PRDM2: variants seen among roughly 807,000 people sequenced by gnomAD.
The protein encoded by PRDM2 is PR domain zinc finger protein 2.
In PRDM2, 30 loss-of-function variants were observed where a neutral mutation model predicts 130.0. That is an observed-to-expected ratio of 0.23 (90% CI 0.17 to 0.31). PRDM2 has a LOEUF of 0.31. Among genes scored for constraint, PRDM2 ranks in the 10% least tolerant of loss-of-function variants. PRDM2 has a pLI of 1.00. For synonymous variants in PRDM2, 871 were observed against 782.4 expected (o/e 1.11, Z -1.89); for missense variants, 2,011 against 2,108.4 (o/e 0.95, Z 0.90).
Position 13,795,645 on chromosome 1 carries a change from C to A in PRDM2, c.5036+12814C>A, listed in dbSNP as rs149414630. ...AACTGTGTTGCGGGTGAATGGATGT[C>A]TTTGTTCTTCCTGGGATGAACCCAT... On this transcript the variant is annotated intron_variant, in intron 8 of 9. Transcript: ENST00000311066. 9.0e-4 allele frequency among the ~76,000 whole-genome samples: 137 copies of A among 152,312 alleles called. 1 individual carries two copies. The highest frequency in any genetic ancestry group is 2.8e-3 in the African/African-American group (117 of 41,562).
At chr1:13,812,133 A>G (rs1645183048) in intron 8 of PRDM2, among the ~76,000 whole-genome samples, 1 of 151,812 alleles carries the variant, frequency 6.6e-6, no homozygotes, top group East Asian at 1.9e-4. Flanking sequence ...CTTGTTGCTT[A>G]GTGGAGAATG....
intron 4 of PRDM2, chr1:13,738,818 G>C (rs1208405092): frequency 6.6e-6 from 1 of 152,030 alleles, no homozygotes; most frequent in South Asian, 2.1e-4. Context: ...CTGAAGACCC[G>C]TTTTTGTCTG....
intron 8 of PRDM2, among the ~76,000 whole-genome samples, chr1:13,801,968 G>C (rs1014553772): frequency 6.6e-6 from 1 of 152,230 alleles, no homozygotes; most frequent in African/African-American, 2.4e-5. Flanking sequence ...CAGACAGCCA[G>C]GATCAGAGTC....
intron 2 of PRDM2, among the ~76,000 whole-genome samples, chr1:13,720,442 G>A (rs543695666): frequency 6.6e-6 from 1 of 152,270 alleles, no homozygotes; most frequent in African/African-American, 2.4e-5. Context: ...GGTCAAAGAA[G>A]TGTGGGCTCA....
In PRDM2 at chr1:13,782,299, C is replaced by T. The variant is rs1266430275; in HGVS notation, c.4504C>T (p.Pro1502Ser). ...HSSKKGGHSS[P>S]ASSDKNSNSN... ...ATCTAAGAAAGGTGGACACTCATCA[C>T]CTGCAAGTAGTGACAAAAACAGTAA... Residue 1502 changes from proline to serine, a missense_variant, in exon 8 of 10, where the codon CCT becomes TCT. This residue lies in a region of PRDM2 where 410 missense variants were observed against 395.9 expected (regional missense o/e 1.04). Transcript: ENST00000311066. 1.9e-6 allele frequency: 3 copies of T among 1,613,940 alleles called. No homozygotes were observed. The African/African-American group carries it at 4.0e-5, about 22-fold the overall frequency.
In PRDM2 at chr1:13,732,565, T is replaced by C. The variant is rs145817625; in HGVS notation, c.128-214T>C. ...ATTTTTTTCTAATCGTAAAACAATA[T>C]AGGTTCTTTATAGAACAGAAGAGTA... On this transcript the variant is annotated intron_variant, in intron 3 of 9. Transcript: ENST00000311066. Among the ~76,000 whole-genome samples, 15 of 152,326 alleles carry C rather than the reference T, an allele frequency of 9.8e-5. No individual in the cohort carries two copies. In the East Asian group the frequency reaches 2.5e-3, roughly 25 times the overall value.
At chr1:13,774,703 G>A (rs1164868561) in intron 7 of PRDM2, among the ~76,000 whole-genome samples, 1 of 152,038 alleles carries the variant, frequency 6.6e-6, no homozygotes, top group African/African-American at 2.4e-5. Context: ...CTGGCCTGGC[G>A]CGGTGGCTCA....
At chr1:13,734,983 C>T (rs1196320462) in intron 4 of PRDM2, among the ~76,000 whole-genome samples, 2 of 152,194 alleles carry the variant, frequency 1.3e-5, no homozygotes, top group East Asian at 3.8e-4. Context: ...CTCTTACCCT[C>T]AGACCTGCAT....
At chr1:13,745,138 G>A (rs1643563653) in intron 5 of PRDM2, among the ~76,000 whole-genome samples, 1 of 152,178 alleles carries the variant, frequency 6.6e-6, no homozygotes, top group African/African-American at 2.4e-5. Flanking sequence ...AAGGTCTCTG[G>A]TCTGGAGGAT....
In PRDM2 at chr1:13,778,615, G is replaced by A. The variant is rs1644533424; in HGVS notation, c.820G>A (p.Glu274Lys). 7 of 1,613,542 alleles carry A rather than the reference G, an allele frequency of 4.3e-6. No homozygotes were observed. The highest frequency in any genetic ancestry group is 1.7e-5 in the Admixed American group (1 of 60,026). Reference sequence around the variant, plus strand: ...TTTGGGGGAAGAGGAGGAGGAGGAAGAGGAGGAGGATGAAGAAGAAGAAGA... The same window carrying A: ...TTTGGGGGAAGAGGAGGAGGAGGAAAAGGAGGAGGATGAAGAAGAAGAAGA... ...NDLGEEEEEE[E>K]EEDEEEEEDD... The change falls in exon 8 of 10, where the codon GAG becomes AAG. Residue 274 changes from glutamate to lysine, a missense_variant. Coordinates refer to ENST00000311066, the MANE Select transcript of PRDM2 (RefSeq NM_001393986.1).
chr1:13,701,881 G>A (rs191304975), intron 1 of PRDM2, among the ~76,000 whole-genome samples: 1 of 152,310 alleles, frequency 6.6e-6, no homozygotes, highest in African/African-American at 2.4e-5. Context: ...GATTCTGAAG[G>A]TGGTTTCTTT....
chr1:13,790,678 T>C (rs1173009852), intron 8 of PRDM2, among the ~76,000 whole-genome samples: 3 of 152,188 alleles, frequency 2.0e-5, no homozygotes, highest in East Asian at 1.9e-4. Flanking sequence ...AATGTCAAAA[T>C]AGAAGTTGAA....
intron 2 of PRDM2, among the ~76,000 whole-genome samples, chr1:13,720,192 C>T (rs1324952840): frequency 6.6e-6 from 1 of 152,134 alleles, no homozygotes; most frequent in Non-Finnish European, 1.5e-5. Context: ...ATAAAATTTG[C>T]TTATTCTTAT....
rs1030026151 is a variant in PRDM2, at chr1:13,757,760, A to G, written c.511+8273A>G. Among the ~76,000 whole-genome samples, 4 of 105,498 alleles carry G rather than the reference A, an allele frequency of 3.8e-5. No homozygotes were observed. In the East Asian group the frequency reaches 8.3e-4, roughly 22 times the overall value. 69.2% of individuals were successfully genotyped at this position (105,498 alleles called of 152,430 possible). ...TTTTATTTGTTTTGCCAAAATGTTT[A>G]TTTGCAGAGGTGGATAGCTTTTTTT... On this transcript the variant is annotated intron_variant, in intron 6 of 9. Transcript: ENST00000311066.
intron 1 of PRDM2, among the ~76,000 whole-genome samples, chr1:13,713,590 C>A (rs1288567225): frequency 6.6e-6 from 1 of 152,200 alleles, no homozygotes; most frequent in Non-Finnish European, 1.5e-5. Flanking sequence ...CATTATAGCT[C>A]TTTCCAAACA....
Position 13,780,657 on chromosome 1 carries a change from C to T in PRDM2, c.2862C>T (p.Pro954=), listed in dbSNP as rs538828863. ...CTTCATCACCTGCCCTGCAGACACCCTCCCTTTCATCCGGTCAGCTGCCTC... is the reference window on the plus strand; with the variant it reads ...CTTCATCACCTGCCCTGCAGACACCTTCCCTTTCATCCGGTCAGCTGCCTC... ...VCPSSPALQT[P]SLSSGQLPPL... The change falls in exon 8 of 10, where the codon CCC becomes CCT. Residue 954 remains proline (P), a synonymous_variant. Coordinates refer to ENST00000311066, the MANE Select transcript of PRDM2 (RefSeq NM_001393986.1). 6.2e-7 allele frequency: 1 copy of T among 1,612,714 alleles called. No homozygotes were observed. The highest frequency in any genetic ancestry group is 1.1e-5 in the South Asian group (1 of 90,962).
intron 2 of PRDM2, among the ~76,000 whole-genome samples, chr1:13,718,966 C>T (rs1462155560): frequency 6.6e-6 from 1 of 152,142 alleles, no homozygotes; most frequent in Admixed American, 6.5e-5. Flanking sequence ...TCATCGTGGA[C>T]AGACTGTATC....
At chr1:13,808,160 T>G (rs1013023956) in intron 8 of PRDM2, among the ~76,000 whole-genome samples, 1 of 152,172 alleles carries the variant, frequency 6.6e-6, no homozygotes, top group African/African-American at 2.4e-5. Flanking sequence ...TATGAAAATC[T>G]TACCAAGGTA....
intron 3 of PRDM2, among the ~76,000 whole-genome samples, chr1:13,731,734 A>C (rs1348062791): frequency 6.6e-6 from 1 of 152,174 alleles, no homozygotes; most frequent in Non-Finnish European, 1.5e-5. Context: ...TAAATTGTAA[A>C]ACTTTAGTCA....
Sources: gnomAD v4.1 joint callset for allele counts (sites outside exome capture counted in the v4.1 genomes callset) on GRCh38, gnomAD v4.1.1 for gene constraint, gnomAD v4.1.1 regional missense constraint, MANE v1.5 for transcripts, NCBI Gene and HGNC (gene_info 2026-07-23, HGNC 2026-07-21) for gene names.